Variants in PARPBP observed in about 807,000 individuals in gnomAD.
PARPBP encodes PCNA-interacting partner.
Under a neutral mutation model 50.0 loss-of-function variants are expected in PARPBP, and 52 were observed. That is an observed-to-expected ratio of 1.04 (90% confidence interval 0.83 to 1.31). The LOEUF (loss-of-function observed/expected upper bound fraction) is 1.31, where lower values mean the gene tolerates loss of function less well. Ranked by LOEUF, PARPBP falls within the 50% of genes most tolerant of loss-of-function variation. The pLI, the probability that PARPBP is intolerant of heterozygous loss-of-function variation, is 0.00. For synonymous variants in PARPBP, 244 were observed against 232.1 expected, an observed-to-expected ratio of 1.05 and a Z score of -0.47; for missense variants, 697 against 672.0, an observed-to-expected ratio of 1.04 and a Z score of -0.41.
chr12:102,148,539 A>C lies in PARPBP; in HGVS notation c.387+76A>C, dbSNP rs555825142. ...ATTTATTTTGAATTATAGTATCACC[A>C]GTTATAGTAACTTGGTAATGTTTTT... On this transcript the variant is annotated intron_variant, in intron 3 of 10. Coordinates refer to ENST00000327680, the MANE Select transcript of PARPBP (RefSeq NM_017915.5). The C allele has an allele frequency of 1.7e-5, 10 of 577,302 alleles. No individual in the cohort carries two copies. The East Asian group carries it at 1.9e-4, about 11-fold the overall frequency. 35.8% of individuals were successfully genotyped at this position (577,302 alleles called of 1,614,324 possible).
At chr12:102,130,243 CAAGAT>C (rs1196839561) in intron 2 of PARPBP, among the ~76,000 whole-genome samples, 1 of 152,134 alleles carries the variant, frequency 6.6e-6, no homozygotes, top group Admixed American at 6.5e-5. Flanking sequence ...AAAATCAACT[CAAGAT>C]GAGGGACTTA....
At chr12:102,187,137 C>A (rs1353932997) in intron 9 of PARPBP, among the ~76,000 whole-genome samples, 3 of 152,122 alleles carry the variant, frequency 2.0e-5, no homozygotes, top group Non-Finnish European at 4.4e-5. Context: ...TAAAAATAAT[C>A]AGCATCAACT....
intron 2 of PARPBP, among the ~76,000 whole-genome samples, chr12:102,142,356 C>G (rs1196890074): frequency 1.3e-5 from 2 of 152,214 alleles, no homozygotes; most frequent in Non-Finnish European, 2.9e-5. Context: ...AAGGTATTCT[C>G]TACCCTGTTT....
chr12:102,154,595 C>T (rs1886632442), intron 4 of PARPBP, among the ~76,000 whole-genome samples: 1 of 152,172 alleles, frequency 6.6e-6, no homozygotes, highest in South Asian at 2.1e-4. Flanking sequence ...GTCATACCTT[C>T]TAAACTGTAA....
intron 2 of PARPBP, among the ~76,000 whole-genome samples, chr12:102,141,677 T>C (rs1236728503): frequency 2.6e-5 from 4 of 152,102 alleles, no homozygotes; most frequent in Admixed American, 6.6e-5. Context: ...GTAAGGCAGG[T>C]CTGGTGGTGA....
intron 3 of PARPBP, among the ~76,000 whole-genome samples, chr12:102,153,368 CAG>C (rs1886467262): frequency 6.6e-6 from 1 of 152,196 alleles, no homozygotes; most frequent in Admixed American, 6.5e-5. Flanking sequence ...TTTTTTGAGA[CAG>C]GGTATCACTC....
At chr12:102,153,509 G>A (rs992384638) in intron 3 of PARPBP, among the ~76,000 whole-genome samples, 1 of 152,150 alleles carries the variant, frequency 6.6e-6, no homozygotes. Flanking sequence ...CCCAGCTAAT[G>A]TTTTGCATCT....
intron 5 of PARPBP, among the ~76,000 whole-genome samples, chr12:102,164,834 C>T (rs2139607998): frequency 6.6e-6 from 1 of 152,252 alleles, no homozygotes; most frequent in Admixed American, 6.5e-5. Flanking sequence ...ATAGTGCTAG[C>T]CCTGATAAAT....
chr12:102,165,764 A>C lies in PARPBP; in HGVS notation c.702A>C (p.Gly234=). The C allele has an allele frequency of 6.2e-7, 1 of 1,609,604 alleles. No homozygotes were observed. The highest frequency in any genetic ancestry group is 8.5e-7 in the Non-Finnish European group (1 of 1,177,180). The change falls in exon 6 of 11, where the codon GGA becomes GGC. Residue 234 remains glycine, a synonymous_variant. Transcript: ENST00000327680. ...ATSFIRTIEL[G]GKGYAPPPSD... ...CTTTTATTAGAACAATAGAGCTTGGAGGGAAAGGATATGCACCACCACCAT... is the reference window on the plus strand; with the variant it reads ...CTTTTATTAGAACAATAGAGCTTGGCGGGAAAGGATATGCACCACCACCAT...
intron 1 of PARPBP, among the ~76,000 whole-genome samples, chr12:102,121,434 A>C (rs574324775): frequency 6.6e-6 from 1 of 152,194 alleles, no homozygotes; most frequent in East Asian, 1.9e-4. Flanking sequence ...TCACACTAGA[A>C]GGTCAAAGTG....
At chr12:102,127,779 CA>C (rs1309241316) in intron 2 of PARPBP, among the ~76,000 whole-genome samples, 1 of 152,030 alleles carries the variant, frequency 6.6e-6, no homozygotes, top group Non-Finnish European at 1.5e-5. Flanking sequence ...TAAAACAGAG[CA>C]GTTTGTATTA....
chr12:102,142,892 G>T (rs533007146), intron 2 of PARPBP, among the ~76,000 whole-genome samples: 1 of 152,368 alleles, frequency 6.6e-6, no homozygotes, highest in African/African-American at 2.4e-5. Flanking sequence ...TGAGGTGTCA[G>T]TCGGCCCCTA....
intron 9 of PARPBP, 38 bp downstream of exon 9, chr12:102,182,665 GT>G: frequency 7.5e-7 from 1 of 1,329,354 alleles, no homozygotes; most frequent in Non-Finnish European, 1.1e-6. Flanking sequence ...AGCAAACACT[GT>G]TTTATTTTTA....
At chr12:102,150,103 A>G (rs1416526965) in intron 3 of PARPBP, among the ~76,000 whole-genome samples, 1 of 151,998 alleles carries the variant, frequency 6.6e-6, no homozygotes, top group Non-Finnish European at 1.5e-5. Context: ...ATCAGGGTAC[A>G]AGTTTGAGGT....
chr12:102,120,698 A>G (rs184175754), intron 1 of PARPBP, among the ~76,000 whole-genome samples: 47 of 152,252 alleles, frequency 3.1e-4, no homozygotes, highest in Admixed American at 5.2e-4. Flanking sequence ...GTTGAGTGCA[A>G]TTTTTAAATT....
chr12:102,175,718 C>A, intron 7 of PARPBP, 52 bp downstream of exon 7: 1 of 1,145,002 alleles, frequency 8.7e-7, no homozygotes, highest in Non-Finnish European at 1.2e-6. Flanking sequence ...ATTATCTCTT[C>A]TATTTATTGT....
In PARPBP at chr12:102,140,551, C is replaced by G. The variant is rs896226073; in HGVS notation, c.154-7679C>G. On this transcript the variant is annotated intron_variant, in intron 2 of 10. Coordinates refer to ENST00000327680, the MANE Select transcript of PARPBP (RefSeq NM_017915.5). The stretch of plus-strand genomic sequence containing the variant: ...CTTTTGAATGTGTTTGCTCTTGCTT[C>G]TGTAGTTCTTTTAATTGTGATGTTA... Among the ~76,000 whole-genome samples the G allele has an allele frequency of 1.4e-4, 21 of 152,096 alleles. No individual in the cohort carries two copies. In the East Asian group the frequency reaches 4.1e-3, roughly 29 times the overall value.
At chr12:102,151,412 A>T (rs1164953185) in intron 3 of PARPBP, among the ~76,000 whole-genome samples, 1 of 152,168 alleles carries the variant, frequency 6.6e-6, no homozygotes, top group Non-Finnish European at 1.5e-5. Flanking sequence ...TGAGAAGGCC[A>T]CCCTTGAGAA....
chr12:102,140,583 C>T (rs552717122), intron 2 of PARPBP, among the ~76,000 whole-genome samples: 54 of 152,170 alleles, frequency 3.5e-4, no homozygotes, highest in African/African-American at 1.1e-3. Flanking sequence ...GTTAGGGTGT[C>T]GATTTTAGAT....
Sources: allele counts gnomAD v4.1 joint callset (sites outside exome capture counted in the v4.1 genomes callset), GRCh38; gene constraint gnomAD v4.1.1; transcripts MANE v1.5; gene names NCBI Gene and HGNC (gene_info 2026-07-23, HGNC 2026-07-21).